The following STK10 variants were observed in gnomAD, a reference collection of about 807,000 sequenced individuals.
STK10 encodes the protein serine/threonine-protein kinase 10.
A neutral mutation model predicts 113.8 loss-of-function variants in STK10; 78 were observed. The observed-to-expected ratio is 0.69, with a 90% CI of 0.57 to 0.83. The LOEUF (loss-of-function observed/expected upper bound fraction) is 0.83, where lower values mean the gene tolerates loss of function less well. Among genes scored for constraint, STK10 ranks in the 40% least tolerant of loss-of-function variants. The pLI is 0.00. For missense variants in STK10, 1,109 were observed against 1,280.1 expected (o/e 0.87, Z 2.04); for synonymous variants, 465 against 494.7 (o/e 0.94, Z 0.80).
At chr5:172,114,275 A>G (rs1769313358) in intron 4 of STK10, among the ~76,000 whole-genome samples, 1 of 130,566 alleles carries the variant, frequency 7.7e-6, no homozygotes, top group Admixed American at 7.6e-5. Flanking sequence ...TGTGTACAGG[A>G]CTCTAGCTAC....
chr5:172,154,712 A>G (rs1770310764), intron 2 of STK10, among the ~76,000 whole-genome samples: 1 of 152,218 alleles, frequency 6.6e-6, no homozygotes, highest in Non-Finnish European at 1.5e-5. Flanking sequence ...AAACAACAGC[A>G]TGACAGTCGC....
intron 1 of STK10, among the ~76,000 whole-genome samples, chr5:172,161,075 T>C (rs1770460082): frequency 6.6e-6 from 1 of 152,144 alleles, no homozygotes; most frequent in Non-Finnish European, 1.5e-5. Flanking sequence ...AGCCCTCTAC[T>C]GAAAGTGACG....
At chr5:172,180,360 G>A (rs1483428402) in intron 1 of STK10, among the ~76,000 whole-genome samples, 3 of 152,130 alleles carry the variant, frequency 2.0e-5, no homozygotes, top group Admixed American at 6.6e-5. Flanking sequence ...AGCTACTTGA[G>A]AGGCCAAGGC....
intron 14 of STK10, among the ~76,000 whole-genome samples, chr5:172,060,465 A>C (rs967767140): frequency 2.0e-5 from 3 of 151,798 alleles, no homozygotes; most frequent in Non-Finnish European, 2.9e-5. Flanking sequence ...AACCCCAAAA[A>C]CCCAGAGACC....
At chr5:172,149,826 A>C (rs1422744097) in intron 2 of STK10, among the ~76,000 whole-genome samples, 1 of 151,834 alleles carries the variant, frequency 6.6e-6, no homozygotes, top group Non-Finnish European at 1.5e-5. Flanking sequence ...CGGGTGGATC[A>C]CCTGAGGTCA....
intron 2 of STK10, among the ~76,000 whole-genome samples, chr5:172,129,908 G>A (rs1442030123): frequency 6.6e-6 from 1 of 152,160 alleles, no homozygotes; most frequent in African/African-American, 2.4e-5. Context: ...CCTGGCCCCA[G>A]GTCGGGACTC....
Position 172,149,534 on chromosome 5 carries a change from G to C in STK10, c.321+7090C>G, listed in dbSNP as rs565968130. On this transcript the variant is annotated intron_variant, in intron 2 of 18. Transcript: ENST00000176763. ...TGTGTGTGTGTGTCTGTGTGTGTGT[G>C]TGTGTGTGTCCCAACAACCGGGTGC... Among the ~76,000 whole-genome samples the C allele has an allele frequency of 4.9e-5, 7 of 144,068 alleles. No individual in the cohort carries two copies. The East Asian group carries it at 1.0e-3, about 21-fold the overall frequency. 94.5% of individuals were successfully genotyped at this position (144,068 alleles called of 152,430 possible).
intron 14 of STK10, among the ~76,000 whole-genome samples, chr5:172,058,852 T>C (rs1767861739): frequency 6.6e-6 from 1 of 152,088 alleles, no homozygotes; most frequent in Non-Finnish European, 1.5e-5. Flanking sequence ...ATCGTGCCAC[T>C]GCACTCCAGC....
intron 2 of STK10, among the ~76,000 whole-genome samples, chr5:172,130,140 A>G (rs898110636): frequency 3.3e-5 from 5 of 152,110 alleles, no homozygotes; most frequent in African/African-American, 1.2e-4. Flanking sequence ...TACCATCTGT[A>G]TGGCCTTGGA....
At chr5:172,169,619 G>C (rs754487061) in intron 1 of STK10, among the ~76,000 whole-genome samples, 3 of 152,042 alleles carry the variant, frequency 2.0e-5, no homozygotes, top group Admixed American at 6.6e-5. Flanking sequence ...GAGGGATAAA[G>C]GAATGACATG....
chr5:172,155,700 A>G (rs1342475155), intron 2 of STK10, among the ~76,000 whole-genome samples: 4 of 152,118 alleles, frequency 2.6e-5, no homozygotes, highest in Non-Finnish European at 5.9e-5. Flanking sequence ...TTAGAAAAAA[A>G]AAAAATGAAG....
chr5:172,093,359 G>C lies in STK10; in HGVS notation c.1554+53C>G, dbSNP rs1768762968. 1 of 1,519,128 alleles carries C rather than the reference G, an allele frequency of 6.6e-7. No homozygotes were observed. Among genetic ancestry groups the C allele is most frequent in the South Asian group, 1.3e-5 (1 of 77,028 alleles). The allele number at this position is 1,519,128 out of a possible 1,614,324, so 94.1% of individuals were successfully genotyped here. On this transcript the variant is annotated intron_variant, in intron 9 of 18. Coordinates refer to ENST00000176763, the MANE Select transcript of STK10 (RefSeq NM_005990.4). This position sits in a 1 kb window ranked among gnomAD's most constrained non-coding sequence, Gnocchi z 4.1. ...CTTTTGAAACCAAAATGGAGCCACAGAACATCCTGCAATGGTCTTGCTGCA... is the reference window on the plus strand; with the variant it reads ...CTTTTGAAACCAAAATGGAGCCACACAACATCCTGCAATGGTCTTGCTGCA...
rs540183282 is a variant in STK10, at chr5:172,141,123, G to T, written c.322-13702C>A. Among the ~76,000 whole-genome samples the T allele has an allele frequency of 1.3e-4, 20 of 152,304 alleles. No homozygotes were observed. In the South Asian group the frequency reaches 4.2e-3, roughly 32 times the overall value. ...GCCACGGGCTGATGGTAGAGGAAAT[G>T]GGGAGTTACTCATTACTGGGCATAA... On this transcript the variant is annotated intron_variant, in intron 2 of 18. Coordinates refer to ENST00000176763, the MANE Select transcript of STK10 (RefSeq NM_005990.4).
chr5:172,076,757 C>G (rs1482392552), intron 12 of STK10, among the ~76,000 whole-genome samples: 1 of 152,170 alleles, frequency 6.6e-6, no homozygotes, highest in Non-Finnish European at 1.5e-5. Context: ...TGCTATATAA[C>G]CCTAGTTCAG....
At chr5:172,185,651 G>A (rs527931821) in intron 1 of STK10, among the ~76,000 whole-genome samples, 2 of 152,342 alleles carry the variant, frequency 1.3e-5, no homozygotes, top group East Asian at 3.9e-4. Context: ...CTGACCACAG[G>A]GGTCCAGCTG....
At chr5:172,181,857 A>C (rs1260958292) in intron 1 of STK10, among the ~76,000 whole-genome samples, 5 of 151,956 alleles carry the variant, frequency 3.3e-5, no homozygotes, top group Admixed American at 3.3e-4. Flanking sequence ...GATTAGAACC[A>C]AGCAGGAAAA....
In STK10 at chr5:172,156,665, C is replaced by T. The variant is rs773303660; in HGVS notation, c.280G>A (p.Val94Met). The T allele has an allele frequency of 8.7e-6, 14 of 1,613,946 alleles. No homozygotes were observed. The highest frequency in any genetic ancestry group is 1.7e-5 in the Admixed American group (1 of 60,000). ...ILATCDHPYI[V>M]KLLGAYYHDG... ...TGATAGTAGGCTCCCAGGAGCTTCACAATGTAGGGGTGGTCGCAGGTGGCC... is the reference window on the plus strand; with the variant it reads ...TGATAGTAGGCTCCCAGGAGCTTCATAATGTAGGGGTGGTCGCAGGTGGCC... Residue 94 changes from valine to methionine, a missense_variant, in exon 2 of 19, where the codon GTG becomes ATG. Coordinates refer to ENST00000176763, the MANE Select transcript of STK10 (RefSeq NM_005990.4).
At position 172,049,798 on chromosome 5, in the gene STK10, GTTTATT is replaced by G. The variant is rs202167217; in HGVS notation, c.2766+3125_2766+3130del. 8.9e-3 allele frequency among the ~76,000 whole-genome samples: 1,360 copies of G among 152,102 alleles called. 7 individuals carry two copies. Among genetic ancestry groups the G allele is most frequent in the Non-Finnish European group, 0.014 (960 of 67,948 alleles). On this transcript the variant is annotated intron_variant, in intron 18 of 18. Coordinates refer to ENST00000176763, the MANE Select transcript of STK10 (RefSeq NM_005990.4). ...TCTTCACCACCGTGCACTCACATGT[GTTTATT>G]TTTATTTTTATTTTTTGAGATGGAG...
At chr5:172,083,797 A>C (rs1409919162) in intron 10 of STK10, among the ~76,000 whole-genome samples, 1 of 151,996 alleles carries the variant, frequency 6.6e-6, no homozygotes, top group African/African-American at 2.4e-5. Context: ...ACTCCCAGCT[A>C]CTCAGGAGGC....
Sources: allele counts gnomAD v4.1 joint callset (sites outside exome capture counted in the v4.1 genomes callset), GRCh38; gene constraint gnomAD v4.1.1; non-coding constraint Gnocchi (gnomAD v3.1); transcripts MANE v1.5; gene names NCBI Gene and HGNC (gene_info 2026-07-23, HGNC 2026-07-21).